The following AMBRA1 variants were observed in gnomAD, a reference collection of about 807,000 sequenced individuals.
AMBRA1 encodes autophagy and beclin 1 regulator 1, also known as activating molecule in BECN1-regulated autophagy protein 1.
AMBRA1 carries 47 observed loss-of-function variants against 125.4 expected under a neutral mutation model. The ratio of observed to expected loss-of-function variants is 0.37; its 90% confidence interval spans 0.30 to 0.48. The LOEUF (loss-of-function observed/expected upper bound fraction) is 0.48, where lower values mean the gene tolerates loss of function less well. AMBRA1 is among the 20% of genes least tolerant of loss of function. The pLI, the probability that AMBRA1 is intolerant of heterozygous loss-of-function variation, is 0.99. For synonymous variants in AMBRA1, 626 were observed against 655.5 expected (o/e 0.95, Z 0.69); for missense variants, 1,331 against 1,693.4 (o/e 0.79, Z 3.76).
At position 46,504,927 on chromosome 11, in the gene AMBRA1, G is replaced by A. The variant is rs575261709; in HGVS notation, c.2339+3264C>T. Among the ~76,000 whole-genome samples, 4 of 152,316 alleles carry A rather than the reference G, an allele frequency of 2.6e-5. No individual in the cohort carries two copies. The South Asian group carries it at 6.2e-4, about 24-fold the overall frequency. ...GAGAACCACAAAAGATGGGCTCTGA[G>A]TAATGGCTCCCTTGGTTTTCTGAGA... On this transcript the variant is annotated intron_variant, in intron 9 of 17. Transcript: ENST00000683756.
intron 9 of AMBRA1, among the ~76,000 whole-genome samples, chr11:46,496,083 T>C (rs1359917334): frequency 2.0e-5 from 3 of 151,830 alleles, no homozygotes; most frequent in East Asian, 1.9e-4. Flanking sequence ...TAAAGAAAGA[T>C]AGAAAACAGG....
At chr11:46,409,937 T>A (rs1946206562) in intron 16 of AMBRA1, among the ~76,000 whole-genome samples, 3 of 152,208 alleles carry the variant, frequency 2.0e-5, no homozygotes, top group Admixed American at 2.0e-4. Context: ...GTCCTGGTCA[T>A]CTGGAAGAGC....
chr11:46,472,724 C>A (rs1303813722), intron 11 of AMBRA1, among the ~76,000 whole-genome samples: 1 of 152,152 alleles, frequency 6.6e-6, no homozygotes, highest in East Asian at 1.9e-4. Context: ...ACAGTAAAGT[C>A]AGCAATAATA....
chr11:46,429,168 C>A, intron 14 of AMBRA1: 3 of 1,550,244 alleles, frequency 1.9e-6, no homozygotes. Flanking sequence ...GTCTCCGCCA[C>A]GCACTGGCTT....
At chr11:46,590,695 T>C (rs940238432) in intron 1 of AMBRA1, among the ~76,000 whole-genome samples, 1 of 151,874 alleles carries the variant, frequency 6.6e-6, no homozygotes, top group East Asian at 1.9e-4. Context: ...GAGAACCCAA[T>C]CTAACATTGA....
chr11:46,533,863 T>C (rs1372632823), intron 7 of AMBRA1, among the ~76,000 whole-genome samples: 1 of 151,926 alleles, frequency 6.6e-6, no homozygotes, highest in Admixed American at 6.6e-5. Context: ...TCCAACTTCA[T>C]CTTCTATCAC....
At chr11:46,569,440 A>AAAAAAAATATATAT (rs1477022124) in intron 1 of AMBRA1, among the ~76,000 whole-genome samples, 14 of 131,366 alleles carry the variant, frequency 1.1e-4, no homozygotes, top group African/African-American at 3.5e-4. Flanking sequence ...AAAAAAAAAA[A>AAAAAAAATATATAT]ATATATATAT....
intron 7 of AMBRA1, among the ~76,000 whole-genome samples, chr11:46,536,792 C>G (rs1223837172): frequency 6.6e-6 from 1 of 152,186 alleles, no homozygotes; most frequent in African/African-American, 2.4e-5. Flanking sequence ...CCATAAAAGT[C>G]TAAGAAACTT....
At chr11:46,499,502 CTCAG>C (rs1257663671) in intron 9 of AMBRA1, among the ~76,000 whole-genome samples, 1 of 152,066 alleles carries the variant, frequency 6.6e-6, no homozygotes, top group African/African-American at 2.4e-5. Context: ...AATCAAAGTC[CTCAG>C]TAAGAGCTAG....
chr11:46,484,891 T>C (rs112277531), intron 11 of AMBRA1, among the ~76,000 whole-genome samples: 1,910 of 151,394 alleles, frequency 0.013, 49 homozygotes, highest in African/African-American at 0.044. Flanking sequence ...ATGATCCACC[T>C]GCCTCGGCCT....
chr11:46,578,117 A>C (rs1258961494), intron 1 of AMBRA1, among the ~76,000 whole-genome samples: 1 of 152,074 alleles, frequency 6.6e-6, no homozygotes, highest in Non-Finnish European at 1.5e-5. Context: ...GTCTCAAATA[A>C]ACAAATAAAA....
intron 7 of AMBRA1, among the ~76,000 whole-genome samples, chr11:46,529,593 A>G (rs1399942729): frequency 2.0e-5 from 3 of 152,216 alleles, no homozygotes; most frequent in African/African-American, 7.2e-5. Context: ...GGATTTAAGT[A>G]GGAAACATGA....
chr11:46,443,215 C>A (rs566374507), intron 12 of AMBRA1, among the ~76,000 whole-genome samples: 17 of 152,208 alleles, frequency 1.1e-4, no homozygotes, highest in African/African-American at 3.9e-4. Flanking sequence ...AGTGTAGGAT[C>A]CAAGAGCTAA....
intron 1 of AMBRA1, among the ~76,000 whole-genome samples, chr11:46,583,759 AAC>A (rs1233541232): frequency 2.2e-3 from 341 of 151,872 alleles, no homozygotes; most frequent in African/African-American, 7.7e-3. Flanking sequence ...GCAGCCAAAA[AAC>A]ACATGAAAAA....
At chr11:46,473,097 A>T (rs1370220076) in intron 11 of AMBRA1, among the ~76,000 whole-genome samples, 1 of 152,270 alleles carries the variant, frequency 6.6e-6, no homozygotes, top group Admixed American at 6.5e-5. Flanking sequence ...TCAGGAAAGC[A>T]AAGCCTCCTC....
Position 46,490,830 on chromosome 11 carries a change from C to T in AMBRA1, c.2521+2778G>A, listed in dbSNP as rs1405936783. On this transcript the variant is annotated intron_variant, in intron 11 of 17. Transcript: ENST00000683756. ...TCTGGTAACCTAGAACACTGCCTGG[C>T]ATATGACAGCTGTAGAACAAATGTC... 4.6e-5 allele frequency among the ~76,000 whole-genome samples: 7 copies of T among 152,268 alleles called. No homozygotes were observed. In the South Asian group the frequency reaches 1.5e-3, roughly 32 times the overall value.
chr11:46,584,490 T>C (rs561020023), intron 1 of AMBRA1, among the ~76,000 whole-genome samples: 3 of 151,636 alleles, frequency 2.0e-5, no homozygotes, highest in African/African-American at 7.3e-5. Flanking sequence ...AACCTGCACA[T>C]TGTGCACATG....
At chr11:46,399,705 CCTTCT>C (rs1436408118) in intron 17 of AMBRA1, among the ~76,000 whole-genome samples, 12 of 152,310 alleles carry the variant, frequency 7.9e-5, no homozygotes, top group Admixed American at 3.3e-4. Context: ...AGGGCTGTTT[CCTTCT>C]CTTCTTTCCC....
At chr11:46,491,009 CAAGT>C (rs1336674465) in intron 11 of AMBRA1, 1 of 152,084 alleles carries the variant, frequency 6.6e-6, no homozygotes, top group Non-Finnish European at 1.5e-5. Flanking sequence ...TACATGATCA[CAAGT>C]AAGTTTAATA....
Sources: allele counts gnomAD v4.1 joint callset (sites outside exome capture counted in the v4.1 genomes callset), GRCh38; gene constraint gnomAD v4.1.1; transcripts MANE v1.5; gene names NCBI Gene and HGNC (gene_info 2026-07-23, HGNC 2026-07-21).